CTDSPL2: variants seen among roughly 807,000 people sequenced by gnomAD.
The protein encoded by CTDSPL2 is CTD small phosphatase-like protein 2.
CTDSPL2 carries 5 observed loss-of-function variants against 60.0 expected under a neutral mutation model. The ratio of observed to expected loss-of-function variants is 0.08; its 90% CI spans 0.04 to 0.18. The LOEUF (loss-of-function observed/expected upper bound fraction) is 0.18, where lower values mean the gene tolerates loss of function less well. Among genes scored for constraint, CTDSPL2 ranks in the 10% least tolerant of loss-of-function variants. The pLI is 1.00. For synonymous variants in CTDSPL2, 186 were observed against 189.3 expected, an observed-to-expected ratio of 0.98 and a Z score of 0.14; for missense variants, 370 against 548.8, an observed-to-expected ratio of 0.67 and a Z score of 3.26.
intron 2 of CTDSPL2, among the ~76,000 whole-genome samples, chr15:44,462,700 CTTTTTTTTT>C (rs554319789): frequency 0.04 from 3,392 of 83,846 alleles, 106 homozygotes; most frequent in East Asian, 0.14. Context: ...ACACTCAGGA[CTTTTTTTTT>C]TTTTTTTTTT....
chr15:44,454,019 C>T lies in CTDSPL2; in HGVS notation c.-24-4972C>T, dbSNP rs772123971. On this transcript the variant is annotated intron_variant, in intron 1 of 12. Transcript: ENST00000260327. The stretch of plus-strand genomic sequence containing the variant: ...TTGCCACACTGTCTTCCACAATGGT[C>T]GAACTAGTTTACAGTCCCAGCAACA... Among the ~76,000 whole-genome samples, 109 of 152,276 alleles carry T rather than the reference C, an allele frequency of 7.2e-4. 1 individual carries two copies. The highest frequency in any genetic ancestry group is 3.1e-3 in the South Asian group (15 of 4,826).
rs59440152 is a variant in CTDSPL2, at chr15:44,501,460, T to C, written c.969+1647T>C. Among the ~76,000 whole-genome samples the C allele has an allele frequency of 5.0e-3, 763 of 152,276 alleles. 10 individuals are homozygous for C. Among genetic ancestry groups the C allele is most frequent in the African/African-American group, 0.018 (729 of 41,580 alleles). ...TAAAATTGAATTTTTTTCTTACTGC[T>C]TCTACCATTTCTGCTTTAACTCTCT... On this transcript the variant is annotated intron_variant, in intron 8 of 12. Coordinates refer to ENST00000260327, the MANE Select transcript of CTDSPL2 (RefSeq NM_016396.3).
Position 44,459,215 on chromosome 15 carries a change from A to G in CTDSPL2, c.186+15A>G, listed in dbSNP as rs766851595. ...GCACACCTAAGGTAATGATTTTACC[A>G]TATACTTTCATATCATTAAAAGTGA... On this transcript the variant is annotated intron_variant, in intron 2 of 12. Transcript: ENST00000260327. The G allele has an allele frequency of 2.0e-5, 31 of 1,558,002 alleles. No individual in the cohort carries two copies. In the Admixed American group the frequency reaches 2.9e-4, roughly 14 times the overall value.
chr15:44,439,650 A>T (rs2080046389), intron 1 of CTDSPL2, among the ~76,000 whole-genome samples: 1 of 152,024 alleles, frequency 6.6e-6, no homozygotes, highest in African/African-American at 2.4e-5. Context: ...GTATTTTCAA[A>T]TTAGGGATAC....
chr15:44,478,452 CAAAAAAAAAAAAA>C (rs61080056), intron 2 of CTDSPL2, among the ~76,000 whole-genome samples: 42 of 38,020 alleles, frequency 1.1e-3, no homozygotes, highest in Admixed American at 3.6e-3. Flanking sequence ...GACTCTGTCT[CAAAAAAAAAAAAA>C]AAAAAAAAAA....
intron 12 of CTDSPL2, among the ~76,000 whole-genome samples, chr15:44,521,667 G>A (rs1296998387): frequency 6.6e-6 from 1 of 152,010 alleles, no homozygotes; most frequent in African/African-American, 2.4e-5. Flanking sequence ...GGCCGGGCGC[G>A]GTGGCTCACG....
chr15:44,431,129 T>G (rs995878598), intron 1 of CTDSPL2, among the ~76,000 whole-genome samples: 2 of 151,608 alleles, frequency 1.3e-5, no homozygotes, highest in Non-Finnish European at 2.9e-5. Context: ...GCCCACTTTT[T>G]TTTTTTTTTT....
rs2081861074 is a variant in CTDSPL2 at position 44,525,707 on chromosome 15, C to G, written c.*1533C>G. The G allele has an allele frequency of 2.6e-6, 1 of 382,766 alleles. No individual in the cohort carries two copies. The highest frequency in any genetic ancestry group is 4.6e-6 in the Non-Finnish European group (1 of 216,364). The allele number at this position is 382,766 out of a possible 1,614,324, so 23.7% of individuals were successfully genotyped here. Reference sequence around the variant, plus strand: ...TACAAATTACATGCAGCTTCATTTTCAAATGAATCCTTAAAATAAGGAAAT... The same window carrying G: ...TACAAATTACATGCAGCTTCATTTTGAAATGAATCCTTAAAATAAGGAAAT... On this transcript the variant is annotated 3_prime_UTR_variant, in exon 13 of 13. Transcript: ENST00000260327.
rs1397703247 is a variant in CTDSPL2 at position 44,527,119 on chromosome 15, T to TTTATATTAGCTA, written c.*2945_*2946insTTATATTAGCTA. 1 of 152,606 alleles carries TTTATATTAGCTA rather than the reference T, an allele frequency of 6.6e-6. No homozygotes were observed. Among genetic ancestry groups the TTTATATTAGCTA allele is most frequent in the Non-Finnish European group, 1.5e-5 (1 of 68,004 alleles). 9.5% of individuals were successfully genotyped at this position (152,606 alleles called of 1,614,324 possible). A position where few individuals can be genotyped will look rare whatever the true frequency, so the allele number is the denominator to read the frequency against. On this transcript the variant is annotated 3_prime_UTR_variant, in exon 13 of 13. Transcript: ENST00000260327. ...ATAAATTGTTTTATATTAGCTAGTA[T>TTTATATTAGCTA]GTATATTTATTTTTACCCAATGGCT...
chr15:44,461,635 C>G (rs896978466), intron 2 of CTDSPL2, among the ~76,000 whole-genome samples: 1 of 126,096 alleles, frequency 7.9e-6, no homozygotes, highest in Non-Finnish European at 1.6e-5. Flanking sequence ...CCAGGCTGGT[C>G]TTGAACTCCT....
intron 8 of CTDSPL2, among the ~76,000 whole-genome samples, chr15:44,504,795 G>A (rs2081433130): frequency 6.6e-6 from 1 of 152,096 alleles, no homozygotes. Flanking sequence ...GCTTGAGCCA[G>A]GAGGCTGAGA....
At chr15:44,455,062 T>G (rs1220484427) in intron 1 of CTDSPL2, among the ~76,000 whole-genome samples, 1 of 152,254 alleles carries the variant, frequency 6.6e-6, no homozygotes, top group Admixed American at 6.5e-5. Context: ...CCCATGAGCA[T>G]GGAGTGTTCT....
At chr15:44,486,992 C>G (rs991313261) in intron 4 of CTDSPL2, among the ~76,000 whole-genome samples, 3 of 152,236 alleles carry the variant, frequency 2.0e-5, no homozygotes, top group Non-Finnish European at 2.9e-5. Context: ...GTCTCAAACT[C>G]TTGACCTTCA....
intron 1 of CTDSPL2, among the ~76,000 whole-genome samples, chr15:44,429,269 T>C (rs2079808279): frequency 6.6e-6 from 1 of 152,190 alleles, no homozygotes; most frequent in Non-Finnish European, 1.5e-5. Context: ...AGCTTCATAC[T>C]TTCCTAAGGC....
chr15:44,459,265 C>T lies in CTDSPL2; in HGVS notation c.186+65C>T, dbSNP rs147492773. The T allele has an allele frequency of 6.0e-3, 7,201 of 1,192,912 alleles. 29 individuals carry two copies. The highest frequency in any genetic ancestry group is 0.013 in the Middle Eastern group (58 of 4,338). The allele number at this position is 1,192,912 out of a possible 1,614,324, so 73.9% of individuals were successfully genotyped here. A position where few individuals can be genotyped will look rare whatever the true frequency, so the allele number is the denominator to read the frequency against. ...AAAATTGGCCGGGCACGGTGGCTCA[C>T]GCCTGTAATCCCAGCACTTTGAGAG... is the stretch of plus-strand genomic sequence containing the variant. On this transcript the variant is annotated intron_variant, in intron 2 of 12. Transcript: ENST00000260327.
chr15:44,446,160 GTGA>G (rs199822592), intron 1 of CTDSPL2, among the ~76,000 whole-genome samples: 2,968 of 151,878 alleles, frequency 0.02, 45 homozygotes, highest in Middle Eastern at 0.068. Flanking sequence ...TCCTGACCTC[GTGA>G]TCCACCCACC....
At position 44,526,343 on chromosome 15, in the gene CTDSPL2, C is replaced by T. The variant is rs188910145; in HGVS notation, c.*2169C>T. On this transcript the variant is annotated 3_prime_UTR_variant, in exon 13 of 13. Transcript: ENST00000260327. ...TTTAGTGCATTCTCAAAAGGGCTTT[C>T]CCATAATCTAAAGGGAAATGTAAGC... 1.3e-5 allele frequency: 2 copies of T among 152,188 alleles called. No homozygotes were observed. The highest frequency in any genetic ancestry group is 6.5e-5 in the Admixed American group (1 of 15,292). The allele number at this position is 152,188 out of a possible 1,614,324, so 9.4% of individuals were successfully genotyped here. A position where few individuals can be genotyped will look rare whatever the true frequency, so the allele number is the denominator to read the frequency against.
At chr15:44,437,028 G>A (rs1276936281) in intron 1 of CTDSPL2, among the ~76,000 whole-genome samples, 1 of 152,158 alleles carries the variant, frequency 6.6e-6, no homozygotes. Context: ...TAGTCTGAAG[G>A]TAATTTTAAA....
intron 2 of CTDSPL2, among the ~76,000 whole-genome samples, chr15:44,476,562 A>G (rs2080920570): frequency 6.6e-6 from 1 of 152,152 alleles, no homozygotes; most frequent in African/African-American, 2.4e-5. Context: ...GGACCACCTT[A>G]TGGTCCAATA....
Sources: allele counts gnomAD v4.1 joint callset (sites outside exome capture counted in the v4.1 genomes callset), GRCh38; gene constraint gnomAD v4.1.1; transcripts MANE v1.5; gene names NCBI Gene and HGNC (gene_info 2026-07-23, HGNC 2026-07-21).